USP53: variants seen among roughly 807,000 people sequenced by gnomAD.
The protein encoded by USP53 is ubiquitin specific peptidase 53.
In USP53, 71 loss-of-function variants were observed where a neutral mutation model predicts 94.9. The observed-to-expected ratio is 0.75, with a 90% confidence interval of 0.62 to 0.91. The LOEUF is 0.91. USP53 is among the 40% of genes least tolerant of loss of function. The probability of loss-of-function intolerance (pLI) is 0.00; values close to 1 mark genes in which losing one functional copy is unlikely to be tolerated. For missense variants in USP53, 1,173 were observed against 1,281.0 expected (o/e 0.92, Z 1.29); for synonymous variants, 375 against 422.7 (o/e 0.89, Z 1.39).
Position 119,256,279 on chromosome 4 carries a change from G to T in USP53, c.406G>T (p.Val136Leu), listed in dbSNP as rs1749750544. Reference sequence around the variant, plus strand: ...GTTGGAGAGGATTCATTTTCACATAGTGCCAAGCAGAGATGCAGACATGTG... The same window carrying T: ...GTTGGAGAGGATTCATTTTCACATATTGCCAAGCAGAGATGCAGACATGTG... ...NMLERIHFHI[V>L]PSRDADMCTS... Residue 136 changes from valine to leucine, a missense_variant, in exon 8 of 19, where the codon GTG becomes TTG. By Grantham distance (32) the Val-to-Leu change is conservative. Transcript: ENST00000692078. 1.2e-6 allele frequency: 2 copies of T among 1,613,510 alleles called. No homozygotes were observed. The highest frequency in any genetic ancestry group is 2.7e-5 in the African/African-American group (2 of 74,824).
At chr4:119,286,162 T>C (rs1233419943) in intron 17 of USP53, among the ~76,000 whole-genome samples, 2 of 151,890 alleles carry the variant, frequency 1.3e-5, no homozygotes, top group East Asian at 3.8e-4. Context: ...TTATTTCAAA[T>C]GTATTTTTAT....
Position 119,269,751 on chromosome 4 carries a change from T to C in USP53, c.1349T>C (p.Leu450Pro). The change falls in exon 15 of 19, where the codon CTG becomes CCG. Residue 450 changes from leucine to proline, a missense_variant. By Grantham distance (98) the Leu-to-Pro change is moderately conservative. Coordinates refer to ENST00000692078, the MANE Select transcript of USP53 (RefSeq NM_001371395.1). ...KIKDISRECA[L>P]KAIEQKNLLS... is the part of the protein sequence containing the mutation. ...AAAGACATTTCCAGAGAATGTGCTC[T>C]GAAAGCTATTGAACAGAAAAACTTA... 1 of 1,508,978 alleles carries C rather than the reference T, an allele frequency of 6.6e-7. No individual in the cohort carries two copies. The highest frequency in any genetic ancestry group is 1.4e-5 in the African/African-American group (1 of 70,658). 93.5% of individuals were successfully genotyped at this position (1,508,978 alleles called of 1,614,324 possible). A position where few individuals can be genotyped will look rare whatever the true frequency, so the allele number is the denominator to read the frequency against.
At chr4:119,272,819 T>A (rs1752047126) in intron 16 of USP53, 1 of 152,226 alleles carries the variant, frequency 6.6e-6, no homozygotes, top group Non-Finnish European at 1.5e-5. Flanking sequence ...TATTTTCCCT[T>A]TAGCAAATAT....
At chr4:119,276,252 T>C (rs774676780) in intron 17 of USP53, among the ~76,000 whole-genome samples, 5,183 of 144,650 alleles carry the variant, frequency 0.036, 88 homozygotes, top group Middle Eastern at 0.081. Context: ...AGATAGCTCT[T>C]ATTATTTTGA....
At chr4:119,259,267 T>G in intron 9 of USP53, among the ~76,000 whole-genome samples, 4 of 124,972 alleles carry the variant, frequency 3.2e-5, no homozygotes, top group Admixed American at 9.0e-5. Context: ...GGCGATAGAG[T>G]GAGACCCCAT....
At chr4:119,250,804 A>G (rs1490247608) in intron 7 of USP53, among the ~76,000 whole-genome samples, 1 of 152,218 alleles carries the variant, frequency 6.6e-6, no homozygotes, top group African/African-American at 2.4e-5. Flanking sequence ...TATTTATATG[A>G]AATTCACTGC....
At chr4:119,238,202 T>C (rs981554957) in intron 4 of USP53, among the ~76,000 whole-genome samples, 1 of 152,230 alleles carries the variant, frequency 6.6e-6, no homozygotes, top group Admixed American at 6.5e-5. Context: ...TGTCTCAACT[T>C]TCAACATGCC....
chr4:119,256,413 G>C (rs1337921299), intron 8 of USP53, 28 bp from the exon 9 acceptor site: 5 of 1,613,352 alleles, frequency 3.1e-6, no homozygotes, highest in Non-Finnish European at 4.2e-6. Context: ...ATGATTGATA[G>C]ATTAAACATA....
At chr4:119,291,309 T>G (rs760960315) in intron 18 of USP53, 48 bp downstream of exon 18, 1 of 1,245,222 alleles carries the variant, frequency 8.0e-7, no homozygotes, top group East Asian at 2.4e-5. Flanking sequence ...GGCACGTTGT[T>G]TATCAGAAGG....
chr4:119,216,524 C>T (rs187607769), intron 2 of USP53, among the ~76,000 whole-genome samples: 2 of 152,226 alleles, frequency 1.3e-5, no homozygotes, highest in East Asian at 1.9e-4. Context: ...CATTTTAACT[C>T]ATTTTCTCCT....
chr4:119,289,810 A>C (rs545673912), intron 17 of USP53, among the ~76,000 whole-genome samples: 3 of 152,336 alleles, frequency 2.0e-5, no homozygotes, highest in East Asian at 3.9e-4. Flanking sequence ...ATAAGGGGGA[A>C]TCAAAAACTG....
rs371137416 is a variant in USP53 at position 119,292,514 on chromosome 4, C to G, written c.2525C>G (p.Pro842Arg). The G allele has an allele frequency of 3.1e-5, 50 of 1,613,850 alleles. No individual in the cohort carries two copies. The highest frequency in any genetic ancestry group is 1.0e-4 in the Admixed American group (6 of 59,970). ...NIENSERTGL[P>R]FHVDNSASGK... ...GAAAATTCTGAGAGAACAGGTTTGCCTTTTCACGTTGATAACTCTGCTTCT... is the reference window on the plus strand; with the variant it reads ...GAAAATTCTGAGAGAACAGGTTTGCGTTTTCACGTTGATAACTCTGCTTCT... Residue 842 changes from proline to arginine, a missense_variant, in exon 19 of 19, where the codon CCT becomes CGT. Transcript: ENST00000692078.
intron 11 of USP53, 22 bp downstream of exon 11, chr4:119,260,675 C>T (rs370200218): frequency 1.2e-5 from 20 of 1,605,256 alleles, no homozygotes; most frequent in East Asian, 4.5e-5. Context: ...ATTTTCATTC[C>T]CTTCCCTTTT....
intron 12 of USP53, among the ~76,000 whole-genome samples, chr4:119,265,035 G>A (rs1437686206): frequency 1.3e-5 from 2 of 152,188 alleles, no homozygotes; most frequent in Non-Finnish European, 2.9e-5. Context: ...GCTAAGAAGT[G>A]AGATATAAAT....
In USP53 at chr4:119,268,355, T is replaced by C. The variant is rs1223528324; in HGVS notation, c.1223T>C (p.Phe408Ser). 1 of 1,613,954 alleles carries C rather than the reference T, an allele frequency of 6.2e-7. No individual in the cohort carries two copies. Among genetic ancestry groups the C allele is most frequent in the Admixed American group, 1.7e-5 (1 of 60,000 alleles). Residue 408 changes from phenylalanine to serine, a missense_variant, in exon 14 of 19, where the codon TTT (phenylalanine) becomes TCT (serine). Physicochemically the swap from Phe to Ser is radical, Grantham distance 155. Transcript: ENST00000692078. The part of the protein sequence containing the change: ...DQAKQRENQK[F>S]PTDNISSSNR... ...GCAAAGCAGAGAGAAAATCAGAAAT[T>C]TCCAACTGATAATATTTCATCATCT...
chr4:119,292,754 C>G lies in USP53; in HGVS notation c.2765C>G (p.Pro922Arg). Residue 922 changes from proline (P) to arginine (R), a missense_variant, in exon 19 of 19, where the codon CCC (proline) becomes CGC (arginine). Pro to Arg is a moderately radical substitution (Grantham distance 103). Transcript: ENST00000692078. ...MPKLFCQNLP[P>R]PLPPKKYAIT... ...AAACTTTTTTGCCAGAATCTACCAC[C>G]CCCTTTGCCACCAAAGAAATATGCT... is the stretch of plus-strand genomic sequence containing the variant. 1.2e-6 allele frequency: 2 copies of G among 1,614,022 alleles called. No homozygotes were observed. Among genetic ancestry groups the G allele is most frequent in the Non-Finnish European group, 1.7e-6 (2 of 1,179,968 alleles).
chr4:119,214,248 A>T (rs1401293885), intron 2 of USP53, 26 bp downstream of exon 2: 1 of 152,038 alleles, frequency 6.6e-6, no homozygotes, highest in Non-Finnish European at 1.5e-5. Context: ...TTATAGTCTG[A>T]GAAATAAGGT....
Position 119,256,284 on chromosome 4 carries a change from A to T in USP53, c.411A>T (p.Pro137=). The change falls in exon 8 of 19, where the codon CCA becomes CCT. Residue 137 remains proline, a synonymous_variant. Transcript: ENST00000692078. The part of the protein sequence containing the change: ...MLERIHFHIV[P]SRDADMCTSK... ...AGAGGATTCATTTTCACATAGTGCC[A>T]AGCAGAGATGCAGACATGTGTACCT... is the stretch of plus-strand genomic sequence containing the variant. 6.2e-7 allele frequency: 1 copy of T among 1,613,902 alleles called. No individual in the cohort carries two copies. The highest frequency in any genetic ancestry group is 1.3e-5 in the African/African-American group (1 of 75,020).
At chr4:119,216,752 C>A (rs1743822156) in intron 2 of USP53, among the ~76,000 whole-genome samples, 1 of 152,172 alleles carries the variant, frequency 6.6e-6, no homozygotes, top group Admixed American at 6.5e-5. Flanking sequence ...ATTGATATTT[C>A]ATTGAACAAT....
Sources: allele counts gnomAD v4.1 joint callset (sites outside exome capture counted in the v4.1 genomes callset), GRCh38; gene constraint gnomAD v4.1.1; transcripts MANE v1.5; gene names NCBI Gene and HGNC (gene_info 2026-07-23, HGNC 2026-07-21).